The following PARD3 variants were observed in gnomAD, a reference collection of about 807,000 sequenced individuals.
PARD3 encodes partitioning defective 3 homolog.
In PARD3, 75 loss-of-function variants were observed where a neutral mutation model predicts 155.4. The ratio of observed to expected loss-of-function variants is 0.48; its 90% CI spans 0.40 to 0.58. The LOEUF is 0.58. PARD3 is among the 20% of genes least tolerant of loss of function. PARD3 has a pLI of 0.00. For synonymous variants in PARD3, 576 were observed against 610.5 expected, an observed-to-expected ratio of 0.94 and a Z score of 0.83; for missense variants, 1,642 against 1,721.7, an observed-to-expected ratio of 0.95 and a Z score of 0.82.
At chr10:34,179,361 C>T (rs1370782570) in intron 22 of PARD3, among the ~76,000 whole-genome samples, 1 of 152,128 alleles carries the variant, frequency 6.6e-6, no homozygotes, top group Non-Finnish European at 1.5e-5. Context: ...GGATAAACTG[C>T]CATTCTTCTA....
In PARD3 at chr10:34,762,695, T is replaced by C. The variant is rs560214618; in HGVS notation, c.120+52181A>G. Among the ~76,000 whole-genome samples the C allele has an allele frequency of 3.3e-5, 5 of 152,282 alleles. No homozygotes were observed. The South Asian group carries it at 6.2e-4, about 19-fold the overall frequency. ...CGTTCCACAAAATAGTCTTGATGTA[T>C]TGGAGACTGGGAGTCGGGGAAAATG... On this transcript the variant is annotated intron_variant, in intron 1 of 24. Coordinates refer to ENST00000374788, the MANE Select transcript of PARD3 (RefSeq NM_001184785.2).
At chr10:34,453,995 T>TA (rs2077196996) in intron 4 of PARD3, among the ~76,000 whole-genome samples, 1 of 152,258 alleles carries the variant, frequency 6.6e-6, no homozygotes, top group East Asian at 1.9e-4. Flanking sequence ...CTAATTCATG[T>TA]AAAATCAATG....
intron 3 of PARD3, among the ~76,000 whole-genome samples, chr10:34,513,097 AATTT>A (rs1386642465): frequency 6.6e-6 from 1 of 152,220 alleles, no homozygotes; most frequent in Non-Finnish European, 1.5e-5. Flanking sequence ...TTAAAATTAA[AATTT>A]ATTAAGTGTA....
chr10:34,690,144 A>C (rs1487406878), intron 2 of PARD3, among the ~76,000 whole-genome samples: 1 of 152,150 alleles, frequency 6.6e-6, no homozygotes, highest in Non-Finnish European at 1.5e-5. Flanking sequence ...GGATTTCGCC[A>C]TGCTGGCCAG....
intron 5 of PARD3, among the ~76,000 whole-genome samples, chr10:34,409,585 C>T (rs1405589136): frequency 1.3e-5 from 2 of 152,184 alleles, no homozygotes; most frequent in African/African-American, 4.8e-5. Flanking sequence ...GCAGATACCA[C>T]CATGCCAGGA....
intron 22 of PARD3, among the ~76,000 whole-genome samples, chr10:34,252,212 A>C (rs1271903117): frequency 6.6e-6 from 1 of 152,118 alleles, no homozygotes; most frequent in African/African-American, 2.4e-5. Context: ...GCCTGCCCCC[A>C]GCTGCTGTGC....
At chr10:34,334,653 G>A (rs1835963254) in intron 18 of PARD3, among the ~76,000 whole-genome samples, 1 of 150,440 alleles carries the variant, frequency 6.6e-6, no homozygotes, top group African/African-American at 2.4e-5. Context: ...AAAATCAACA[G>A]ACCAAGTATT....
chr10:34,348,099 C>T lies in PARD3; in HGVS notation c.2084G>A (p.Ser695Asn), dbSNP rs1329591581. ...AATGGGCAGCTCAGGTCCAGGGGGG[C>T]TCCCAGGTGACTTCAGCTACAGAGT... The part of the protein sequence containing the change: ...SKCNELKSPG[S>N]PPGPELPIET... The change falls in exon 15 of 25, where the codon AGC becomes AAC. Residue 695 changes from serine to asparagine, a missense_variant. Physicochemically the swap from Ser to Asn is conservative, Grantham distance 46 (BLOSUM62 1). Transcript: ENST00000374788. 6.2e-7 allele frequency: 1 copy of T among 1,608,602 alleles called. No homozygotes were observed. The highest frequency in any genetic ancestry group is 1.7e-5 in the Admixed American group (1 of 59,402).
chr10:34,480,807 T>C (rs1201609196), intron 3 of PARD3, among the ~76,000 whole-genome samples: 3 of 147,328 alleles, frequency 2.0e-5, no homozygotes, highest in East Asian at 1.9e-4. Flanking sequence ...TTTTTTTTTT[T>C]TTTTTTCTTT....
intron 20 of PARD3, among the ~76,000 whole-genome samples, chr10:34,298,141 C>T (rs896637051): frequency 6.6e-6 from 1 of 152,182 alleles, no homozygotes; most frequent in Admixed American, 6.5e-5. Flanking sequence ...TGTGTTGGCA[C>T]ATAAAAACAC....
intron 22 of PARD3, among the ~76,000 whole-genome samples, chr10:34,204,891 G>C (rs1951396440): frequency 6.6e-6 from 1 of 152,090 alleles, no homozygotes; most frequent in South Asian, 2.1e-4. Flanking sequence ...CTAATTACAA[G>C]TCCATTAATT....
chr10:34,783,421 G>A (rs1043820763), intron 1 of PARD3, among the ~76,000 whole-genome samples: 1 of 151,638 alleles, frequency 6.6e-6, no homozygotes, highest in Admixed American at 6.6e-5. Context: ...TGGCTAACAT[G>A]GTGAAACCCC....
At chr10:34,773,153 T>A (rs1839109720) in intron 1 of PARD3, among the ~76,000 whole-genome samples, 1 of 152,228 alleles carries the variant, frequency 6.6e-6, no homozygotes, top group Non-Finnish European at 1.5e-5. Context: ...TGATGAGGAA[T>A]TTAATTATAA....
intron 20 of PARD3, among the ~76,000 whole-genome samples, chr10:34,291,963 G>T (rs3891844): frequency 6.6e-6 from 1 of 152,130 alleles, no homozygotes; most frequent in South Asian, 2.1e-4. Context: ...AACTTATCTC[G>T]GAAGGCCAGG....
intron 4 of PARD3, among the ~76,000 whole-genome samples, chr10:34,469,872 C>T (rs1344891193): frequency 3.3e-5 from 5 of 152,026 alleles, no homozygotes; most frequent in African/African-American, 1.2e-4. Context: ...TAAGTGCACA[C>T]CATACACGGC....
intron 2 of PARD3, among the ~76,000 whole-genome samples, chr10:34,660,625 T>A (rs1481645009): frequency 6.6e-6 from 1 of 152,044 alleles, no homozygotes; most frequent in Non-Finnish European, 1.5e-5. Flanking sequence ...ATAAAGTGTA[T>A]CTGTCATCCG....
At chr10:34,501,415 C>T (rs771006334) in intron 3 of PARD3, among the ~76,000 whole-genome samples, 9 of 152,210 alleles carry the variant, frequency 5.9e-5, no homozygotes, top group Non-Finnish European at 1.2e-4. Flanking sequence ...TCCCTAGATG[C>T]CAAGCAGATG....
intron 21 of PARD3, among the ~76,000 whole-genome samples, chr10:34,276,973 A>G (rs1354039679): frequency 6.6e-6 from 1 of 152,204 alleles, no homozygotes; most frequent in African/African-American, 2.4e-5. Flanking sequence ...TTTTTAATAA[A>G]TTTCAGATTG....
intron 21 of PARD3, among the ~76,000 whole-genome samples, chr10:34,283,552 G>A (rs984111773): frequency 6.6e-5 from 10 of 152,122 alleles, no homozygotes; most frequent in Admixed American, 6.5e-5. Context: ...ACATGGAAAT[G>A]ATTCAACAAT....
Sources: gnomAD v4.1 joint callset for allele counts (sites outside exome capture counted in the v4.1 genomes callset) on GRCh38, gnomAD v4.1.1 for gene constraint, MANE v1.5 for transcripts, NCBI Gene and HGNC (gene_info 2026-07-23, HGNC 2026-07-21) for gene names.